VWA5B1: variants seen among roughly 807,000 people sequenced by gnomAD.
The protein encoded by VWA5B1 is von Willebrand factor A domain-containing protein 5B1.
A neutral mutation model predicts 118.2 loss-of-function variants in VWA5B1; 115 were observed. The ratio of observed to expected loss-of-function variants is 0.97; its 90% CI spans 0.84 to 1.14. The LOEUF is 1.14. VWA5B1 is among the 50% of genes most tolerant of loss of function. VWA5B1 has a pLI of 0.00. For missense variants in VWA5B1, 1,596 were observed against 1,603.8 expected (o/e 1.00, Z 0.08); for synonymous variants, 682 against 658.4 (o/e 1.04, Z -0.55).
At position 20,354,060 on chromosome 1, in the gene VWA5B1, C is replaced by G. The variant is rs760592836; in HGVS notation, c.3445C>G (p.Leu1149Val). Reference protein sequence around the residue: ...LWATVVGLAWLEHSSASYFTE... With the variant: ...LWATVVGLAWVEHSSASYFTE... Reference sequence around the variant, plus strand: ...GGCCACGGTGGTGGGGCTGGCATGGCTGGAGCACAGTTCGGCCTCCTACTT... The same window carrying G: ...GGCCACGGTGGTGGGGCTGGCATGGGTGGAGCACAGTTCGGCCTCCTACTT... Residue 1149 changes from leucine to valine, a missense_variant, in exon 22 of 22, where the codon CTG (leucine) becomes GTG (valine). Leu to Val is a conservative substitution (Grantham distance 32). Coordinates refer to ENST00000289815, the MANE Select transcript of VWA5B1 (RefSeq NM_001039500.3). The G allele has an allele frequency of 6.4e-6, 10 of 1,551,434 alleles. No individual in the cohort carries two copies. In the South Asian group the frequency reaches 1.1e-4, roughly 17 times the overall value.
chr1:20,343,465 C>G, intron 16 of VWA5B1, 72 bp downstream of exon 16: 20 of 1,444,776 alleles, frequency 1.4e-5, no homozygotes, highest in Non-Finnish European at 1.8e-5. Context: ...AGCCGCTCCC[C>G]CTTCCCCACC....
chr1:20,298,016 T>G (rs1054290889), intron 1 of VWA5B1, among the ~76,000 whole-genome samples: 7 of 136,828 alleles, frequency 5.1e-5, no homozygotes, highest in African/African-American at 2.0e-4. Context: ...TTTTTTTTTT[T>G]TTGTTTGTTC....
Position 20,354,537 on chromosome 1 carries a change from A to C in VWA5B1, c.*274A>C. Reference sequence around the variant, plus strand: ...ATGAAGGAGGTGGAGTGGATCTCAAATGGTTCAGTGGTTCCTTTCTGCCCA... The same window carrying C: ...ATGAAGGAGGTGGAGTGGATCTCAACTGGTTCAGTGGTTCCTTTCTGCCCA... On this transcript the variant is annotated 3_prime_UTR_variant, in exon 22 of 22. Transcript: ENST00000289815. 6.4e-6 allele frequency: 3 copies of C among 467,648 alleles called. No homozygotes were observed. Among genetic ancestry groups the C allele is most frequent in the East Asian group, 4.3e-5 (1 of 23,484 alleles). The allele number at this position is 467,648 out of a possible 1,614,324, so 29.0% of individuals were successfully genotyped here. A position where few individuals can be genotyped will look rare whatever the true frequency, so the allele number is the denominator to read the frequency against.
chr1:20,343,307 G>C lies in VWA5B1; in HGVS notation c.2540G>C (p.Trp847Ser), dbSNP rs2089926880. 1 of 1,546,278 alleles carries C rather than the reference G, an allele frequency of 6.5e-7. No individual in the cohort carries two copies. ...GGCGGCGCGCAGGATGCCGACCTAT[G>C]GAGCGAGACCTTCCACCACCTGGCG... ...ERGGAQDADL[W>S]SETFHHLAAR... is the part of the protein sequence containing the mutation. Residue 847 changes from tryptophan (W) to serine (S), a missense_variant, in exon 16 of 22, where the codon TGG becomes TCG. Coordinates refer to ENST00000289815, the MANE Select transcript of VWA5B1 (RefSeq NM_001039500.3).
At chr1:20,343,531 T>G in intron 16 of VWA5B1, 138 bp downstream of exon 16, 1 of 1,342,410 alleles carries the variant, frequency 7.4e-7, no homozygotes, top group Non-Finnish European at 9.6e-7. Flanking sequence ...TCCCGGGTCC[T>G]ACCCCACCCC....
chr1:20,310,480 T>A (rs963476834), intron 1 of VWA5B1, 96 bp from the exon 2 acceptor site: 66 of 1,194,122 alleles, frequency 5.5e-5, no homozygotes, highest in Middle Eastern at 2.2e-4. Flanking sequence ...AAAACAATGA[T>A]GCTCTGATTG....
intron 1 of VWA5B1, among the ~76,000 whole-genome samples, chr1:20,309,688 C>G (rs1226627253): frequency 6.6e-6 from 1 of 152,124 alleles, no homozygotes; most frequent in African/African-American, 2.4e-5. Context: ...AGTGGGGTAG[C>G]AGAGACCTGT....
chr1:20,304,121 GC>G (rs1471302473), intron 1 of VWA5B1, among the ~76,000 whole-genome samples: 2 of 152,212 alleles, frequency 1.3e-5, no homozygotes, highest in Non-Finnish European at 2.9e-5. Flanking sequence ...AGGAGGTGCA[GC>G]CATTGCTCTT....
chr1:20,311,829 T>C (rs2088858247), intron 2 of VWA5B1, among the ~76,000 whole-genome samples: 1 of 152,202 alleles, frequency 6.6e-6, no homozygotes, highest in Non-Finnish European at 1.5e-5. Context: ...GAAACTTTCT[T>C]TCCCTTAGAA....
At chr1:20,326,459 T>G (rs7549632) in intron 8 of VWA5B1, among the ~76,000 whole-genome samples, 16,930 of 151,840 alleles carry the variant, frequency 0.11, 1,049 homozygotes, top group Admixed American at 0.14. Context: ...AACTGTGGGG[T>G]TTTTTTGTTT....
Position 20,339,754 on chromosome 1 carries a change from C to G in VWA5B1, c.2133+1918C>G, listed in dbSNP as rs75011755. Among the ~76,000 whole-genome samples the G allele has an allele frequency of 2.7e-3, 404 of 152,086 alleles. 2 individuals are homozygous for G. Among genetic ancestry groups the G allele is most frequent in the African/African-American group, 9.0e-3 (375 of 41,488 alleles). Reference sequence around the variant, plus strand: ...CAATCTTATCCCTAGGGGCCCTTCTCTGTGCTTATTGAGGGACCACTTGAT... The same window carrying G: ...CAATCTTATCCCTAGGGGCCCTTCTGTGTGCTTATTGAGGGACCACTTGAT... On this transcript the variant is annotated intron_variant, in intron 14 of 21. Coordinates refer to ENST00000289815, the MANE Select transcript of VWA5B1 (RefSeq NM_001039500.3).
rs573907359 is a variant in VWA5B1, at chr1:20,326,578, G to A, written c.1144-1312G>A. 3.9e-5 allele frequency among the ~76,000 whole-genome samples: 6 copies of A among 152,224 alleles called. No homozygotes were observed. In the South Asian group the frequency reaches 1.2e-3, roughly 32 times the overall value. ...CCTCCCGGGTTCAAGCAATTCTCCT[G>A]ATTTAGCCTCCTGAGTAGCTGGGAT... On this transcript the variant is annotated intron_variant, in intron 8 of 21. Transcript: ENST00000289815.
At position 20,343,130 on chromosome 1, in the gene VWA5B1, A is replaced by AC. The variant is rs1268284629; in HGVS notation, c.2369dup (p.Ala791SerfsTer106). On this transcript the variant is annotated frameshift_variant, in exon 16 of 22. Transcript: ENST00000289815. LOFTEE classifies it high-confidence loss of function. ...GAGACAGAGACGTCCTCGGACTGGG[A>AC]CCCCCCAGCCGAGTCCCAGGAGCGA... The AC allele has an allele frequency of 2.5e-5, 38 of 1,536,810 alleles. No homozygotes were observed. Among genetic ancestry groups the AC allele is most frequent in the Non-Finnish European group, 2.8e-5 (32 of 1,140,346 alleles).
chr1:20,330,082 G>A (rs969120284), intron 9 of VWA5B1, 98 bp from the exon 10 acceptor site: 7 of 1,371,752 alleles, frequency 5.1e-6, no homozygotes, highest in Non-Finnish European at 7.0e-6. Context: ...ACTCTGGTGA[G>A]GCTAAAAGAA....
At chr1:20,336,265 G>A in intron 12 of VWA5B1, 38 bp from the exon 13 acceptor site, 5 of 1,318,068 alleles carry the variant, frequency 3.8e-6, no homozygotes, top group Non-Finnish European at 4.9e-6. Flanking sequence ...CTGACACCTA[G>A]CCTCACTCCT....
In VWA5B1 at chr1:20,336,401, C is replaced by T; in HGVS notation, c.1857C>T (p.Asp619=). 6.5e-7 allele frequency: 1 copy of T among 1,529,262 alleles called. No individual in the cohort carries two copies. Among genetic ancestry groups the T allele is most frequent in the Non-Finnish European group, 8.8e-7 (1 of 1,135,728 alleles). 94.7% of individuals were successfully genotyped at this position (1,529,262 alleles called of 1,614,324 possible). ...ACGGACCCGGGCTGGAAGGTGGAGA[C>T]TGTGCCAAGAACTCGGGGGCACCCT... The part of the protein sequence containing the change: ...QDDGPGLEGG[D]CAKNSGAPFI... Residue 619 remains aspartate (D), a synonymous_variant, in exon 13 of 22, where the codon GAC becomes GAT. Transcript: ENST00000289815.
intron 1 of VWA5B1, among the ~76,000 whole-genome samples, chr1:20,291,359 T>TCTCTCTCTC (rs2088297636): frequency 4.9e-4 from 51 of 103,402 alleles, no homozygotes; most frequent in African/African-American, 1.0e-3. Flanking sequence ...CTTTCTTTCT[T>TCTCTCTCTC]TCTCTCTCTC....
intron 8 of VWA5B1, 27 bp downstream of exon 8, chr1:20,323,559 G>A (rs763762492): frequency 2.9e-6 from 4 of 1,366,426 alleles, no homozygotes; most frequent in South Asian, 3.6e-5. Context: ...CCCCTCCCGA[G>A]GACCCGGGGC....
chr1:20,302,340 C>A (rs185329230), intron 1 of VWA5B1, among the ~76,000 whole-genome samples: 1 of 152,250 alleles, frequency 6.6e-6, no homozygotes, highest in Non-Finnish European at 1.5e-5. Context: ...ATTCTTCAGA[C>A]GAACCTGTAG....
Sources: gnomAD v4.1 joint callset for allele counts (sites outside exome capture counted in the v4.1 genomes callset) on GRCh38, gnomAD v4.1.1 for gene constraint, MANE v1.5 for transcripts, NCBI Gene and HGNC (gene_info 2026-07-23, HGNC 2026-07-21) for gene names.